The following HS6ST3 variants were observed in gnomAD, a reference collection of about 807,000 sequenced individuals.
The protein encoded by HS6ST3 is heparan-sulfate 6-O-sulfotransferase 3.
A neutral mutation model predicts 36.7 loss-of-function variants in HS6ST3; 12 were observed. The observed-to-expected ratio is 0.33, with a 90% CI of 0.21 to 0.53. The LOEUF is 0.53. Ranked by LOEUF, HS6ST3 falls within the 20% of genes least tolerant of loss-of-function variation. HS6ST3 has a pLI of 0.95. For synonymous variants in HS6ST3, 240 were observed against 257.5 expected (o/e 0.93, Z 0.65); for missense variants, 584 against 640.9 (o/e 0.91, Z 0.96).
chr13:96,330,299 A>G (rs1361914969), intron 1 of HS6ST3, among the ~76,000 whole-genome samples: 1 of 151,994 alleles, frequency 6.6e-6, no homozygotes, highest in Non-Finnish European at 1.5e-5. Context: ...ACATTTTGGC[A>G]TGAGTTTGCA....
chr13:96,477,678 T>A (rs2055870674), intron 1 of HS6ST3, among the ~76,000 whole-genome samples: 1 of 152,274 alleles, frequency 6.6e-6, no homozygotes, highest in East Asian at 1.9e-4. Flanking sequence ...AAGACCAGCC[T>A]GGCCAACATG....
intron 1 of HS6ST3, among the ~76,000 whole-genome samples, chr13:96,734,936 C>T (rs1046051761): frequency 6.6e-6 from 1 of 151,906 alleles, no homozygotes; most frequent in African/African-American, 2.4e-5. Flanking sequence ...AGGTGCTAAT[C>T]ATTAGCAGTT....
intron 1 of HS6ST3, among the ~76,000 whole-genome samples, chr13:96,175,952 C>T (rs1370192309): frequency 4.6e-5 from 7 of 152,032 alleles, no homozygotes; most frequent in South Asian, 2.1e-4. Context: ...CTCAGCCTCC[C>T]AAGTAGCTGG....
rs117677497 is a variant in HS6ST3, at chr13:96,643,576, A to C, written c.708-188914A>C. ...GCCTCTGATTTGTGTGTGTGTGTGCACAAAAAGGCTTTTTAAAGCCTTTTT... is the reference window on the plus strand; with the variant it reads ...GCCTCTGATTTGTGTGTGTGTGTGCCCAAAAAGGCTTTTTAAAGCCTTTTT... On this transcript the variant is annotated intron_variant, in intron 1 of 1. Transcript: ENST00000376705. Among the ~76,000 whole-genome samples the C allele has an allele frequency of 7.3e-3, 1,110 of 151,980 alleles. 9 individuals are homozygous for C. The highest frequency in any genetic ancestry group is 0.012 in the Non-Finnish European group (833 of 67,898).
chr13:96,397,573 A>G (rs2055428522), intron 1 of HS6ST3, among the ~76,000 whole-genome samples: 1 of 152,250 alleles, frequency 6.6e-6, no homozygotes, highest in African/African-American at 2.4e-5. Flanking sequence ...AGAAAGATCA[A>G]TGGAATATTT....
At chr13:96,666,856 A>T (rs939866922) in intron 1 of HS6ST3, among the ~76,000 whole-genome samples, 9 of 152,166 alleles carry the variant, frequency 5.9e-5, no homozygotes, top group Admixed American at 1.3e-4. Flanking sequence ...TTTATATAGG[A>T]GAGTGAGTCT....
At chr13:96,507,287 C>T (rs1224759816) in intron 1 of HS6ST3, among the ~76,000 whole-genome samples, 1 of 152,050 alleles carries the variant, frequency 6.6e-6, no homozygotes, top group African/African-American at 2.4e-5. Flanking sequence ...TGATGTATGT[C>T]CTGAGCAGAA....
rs951109293 is a variant in HS6ST3, at chr13:96,835,173, C to G, written c.*1975C>G. On this transcript the variant is annotated 3_prime_UTR_variant, in exon 2 of 2. Coordinates refer to ENST00000376705, the MANE Select transcript of HS6ST3 (RefSeq NM_153456.4). ...TACCTAAAGCTTCCTGCCAATAATG[C>G]AAGAAGCCAGCTGCAATTTCCCAGA... 9.2e-5 allele frequency: 14 copies of G among 152,138 alleles called. No homozygotes were observed. Among genetic ancestry groups the G allele is most frequent in the Non-Finnish European group, 1.5e-4 (10 of 68,058 alleles). The allele number at this position is 152,138 out of a possible 1,614,324, so 9.4% of individuals were successfully genotyped here. A position where few individuals can be genotyped will look rare whatever the true frequency, so the allele number is the denominator to read the frequency against.
At chr13:96,708,213 T>C (rs1039137687) in intron 1 of HS6ST3, among the ~76,000 whole-genome samples, 2 of 152,134 alleles carry the variant, frequency 1.3e-5, no homozygotes, top group Non-Finnish European at 2.9e-5. Flanking sequence ...TTGTGGAAAA[T>C]GAATAAACAA....
chr13:96,794,567 G>T (rs1358025917), intron 1 of HS6ST3, among the ~76,000 whole-genome samples: 2 of 151,970 alleles, frequency 1.3e-5, no homozygotes, highest in Non-Finnish European at 2.9e-5. Context: ...TACTCTACCT[G>T]CAAATAAGAT....
At chr13:96,180,425 G>C (rs933938154) in intron 1 of HS6ST3, among the ~76,000 whole-genome samples, 2 of 151,942 alleles carry the variant, frequency 1.3e-5, no homozygotes, top group African/African-American at 4.8e-5. Context: ...CCAAGTTTTT[G>C]TTGTTCTTGT....
At chr13:96,711,132 C>T (rs906421378) in intron 1 of HS6ST3, among the ~76,000 whole-genome samples, 2 of 152,124 alleles carry the variant, frequency 1.3e-5, no homozygotes, top group African/African-American at 4.8e-5. Context: ...TTTCTTCCTC[C>T]GCTCTTGCAT....
At chr13:96,318,764 C>T (rs1226589756) in intron 1 of HS6ST3, among the ~76,000 whole-genome samples, 1 of 151,986 alleles carries the variant, frequency 6.6e-6, no homozygotes, top group Non-Finnish European at 1.5e-5. Context: ...TGTGTTTGTA[C>T]CAGTACCATG....
intron 1 of HS6ST3, among the ~76,000 whole-genome samples, chr13:96,671,679 C>A (rs1002164): frequency 0.37 from 56,110 of 151,674 alleles, 10,629 homozygotes; most frequent in East Asian, 0.62. Context: ...TTGGTGTTCT[C>A]CCTGTGTATG....
At position 96,437,292 on chromosome 13, in the gene HS6ST3, T is replaced by C. The variant is rs61967682; in HGVS notation, c.707+345723T>C. The stretch of plus-strand genomic sequence containing the variant: ...TCCCTGGCCACCCATTCTGCACTGA[T>C]GTCTTTCTTAGTCATTCTCAGTCCC... On this transcript the variant is annotated intron_variant, in intron 1 of 1. Transcript: ENST00000376705. Among the ~76,000 whole-genome samples the C allele has an allele frequency of 9.1e-3, 1,393 of 152,348 alleles. 16 individuals are homozygous for C. The highest frequency in any genetic ancestry group is 0.013 in the Non-Finnish European group (893 of 68,032).
intron 1 of HS6ST3, among the ~76,000 whole-genome samples, chr13:96,324,148 T>G (rs1318043925): frequency 6.6e-6 from 1 of 152,152 alleles, no homozygotes; most frequent in Non-Finnish European, 1.5e-5. Context: ...ATAATGACAG[T>G]TTTTAGCACT....
chr13:96,504,715 T>C (rs2138915462), intron 1 of HS6ST3, among the ~76,000 whole-genome samples: 1 of 152,234 alleles, frequency 6.6e-6, no homozygotes, highest in African/African-American at 2.4e-5. Flanking sequence ...TAATTAAACA[T>C]GACCTTCTTT....
rs142103068 is a variant in HS6ST3, at chr13:96,481,028, T to C, written c.708-351462T>C. On this transcript the variant is annotated intron_variant, in intron 1 of 1. Transcript: ENST00000376705. ...TAATCACAAAAATATTTTCTCTATT[T>C]AAAAGCCTTTATTTTCTATTTCATA... Among the ~76,000 whole-genome samples the C allele has an allele frequency of 7.1e-3, 1,087 of 152,344 alleles. 18 individuals are homozygous for C. The highest frequency in any genetic ancestry group is 0.024 in the African/African-American group (1,000 of 41,580).
At chr13:96,254,239 C>T (rs932420982) in intron 1 of HS6ST3, among the ~76,000 whole-genome samples, 1 of 150,918 alleles carries the variant, frequency 6.6e-6, no homozygotes, top group Non-Finnish European at 1.5e-5. Context: ...CATGGTGAAA[C>T]CCTGTATCTA....
Sources: gnomAD v4.1 joint callset for allele counts (sites outside exome capture counted in the v4.1 genomes callset) on GRCh38, gnomAD v4.1.1 for gene constraint, MANE v1.5 for transcripts, NCBI Gene and HGNC (gene_info 2026-07-23, HGNC 2026-07-21) for gene names.